THSD7A: variants seen among roughly 807,000 people sequenced by gnomAD.
THSD7A encodes thrombospondin type-1 domain-containing protein 7A.
THSD7A carries 96 observed loss-of-function variants against 231.3 expected under a neutral mutation model. The observed-to-expected ratio is 0.41, with a 90% CI of 0.35 to 0.49. The LOEUF (loss-of-function observed/expected upper bound fraction) is 0.49, where lower values mean the gene tolerates loss of function less well. THSD7A is among the 20% of genes least tolerant of loss of function. THSD7A has a pLI of 0.05. For missense variants in THSD7A, 2,290 were observed against 2,070.2 expected (o/e 1.11, Z -2.06); for synonymous variants, 940 against 743.3 (o/e 1.26, Z -4.30).
rs796373287 is a variant in THSD7A, at chr7:11,475,608, CAT to C, written c.2018-1042_2018-1041del. On this transcript the variant is annotated intron_variant, in intron 7 of 27. Transcript: ENST00000423059. ...ATATATGTATATAACATATATATAA[CAT>C]ATATAACATATATATAACATATATA... Among the ~76,000 whole-genome samples, 22 of 146,880 alleles carry C rather than the reference CAT, an allele frequency of 1.5e-4. No homozygotes were observed. The South Asian group carries it at 4.2e-3, about 28-fold the overall frequency.
At position 11,634,818 on chromosome 7, in the gene THSD7A, A is replaced by T. The variant is rs1170855444; in HGVS notation, c.1022+1312T>A. 6.6e-6 allele frequency among the ~76,000 whole-genome samples: 1 copy of T among 152,196 alleles called. No homozygotes were observed. The highest frequency in any genetic ancestry group is 2.4e-5 in the African/African-American group (1 of 41,436). On this transcript the variant is annotated intron_variant, in intron 2 of 27. Coordinates refer to ENST00000423059, the MANE Select transcript of THSD7A (RefSeq NM_015204.3). This position sits in a 1 kb window ranked among gnomAD's most constrained non-coding sequence, Gnocchi z 4.1. The stretch of plus-strand genomic sequence containing the variant: ...AGTAACCAGAACTCTATGATGAGAG[A>T]AAGTTATTGTCTTAGACAGACCAAT...
At chr7:11,701,841 G>A (rs1263413553) in intron 1 of THSD7A, among the ~76,000 whole-genome samples, 2 of 151,102 alleles carry the variant, frequency 1.3e-5, no homozygotes, top group Non-Finnish European at 3.0e-5. Flanking sequence ...TGAAAAATGG[G>A]CTATCACAAA....
intron 6 of THSD7A, among the ~76,000 whole-genome samples, chr7:11,534,520 T>G (rs986455131): frequency 1.3e-5 from 2 of 152,168 alleles, no homozygotes; most frequent in East Asian, 3.9e-4. Flanking sequence ...GGAGGACACT[T>G]GGACCTTTCA....
chr7:11,679,517 C>G (rs1342761175), intron 1 of THSD7A, among the ~76,000 whole-genome samples: 2 of 152,122 alleles, frequency 1.3e-5, no homozygotes, highest in Admixed American at 6.6e-5. Flanking sequence ...GATACAAAAT[C>G]AATATGCATA....
At chr7:11,596,348 T>C (rs1198111381) in intron 2 of THSD7A, among the ~76,000 whole-genome samples, 1 of 152,148 alleles carries the variant, frequency 6.6e-6, no homozygotes, top group African/African-American at 2.4e-5. Flanking sequence ...CCAGTTAAAG[T>C]AGGTGCATAT....
intron 1 of THSD7A, chr7:11,820,613 T>C (rs1475642685): frequency 2.0e-5 from 15 of 736,190 alleles, no homozygotes; most frequent in Non-Finnish European, 3.7e-5. Context: ...TTCCTCTGGC[T>C]TGAAATTGAA....
chr7:11,695,453 A>T (rs1780359161), intron 1 of THSD7A, among the ~76,000 whole-genome samples: 2 of 151,524 alleles, frequency 1.3e-5, no homozygotes, highest in Non-Finnish European at 3.0e-5. Context: ...GAGAAAGAAA[A>T]ACAAGCAAAT....
chr7:11,540,459 T>A (rs1562699330), intron 6 of THSD7A, among the ~76,000 whole-genome samples: 1 of 152,242 alleles, frequency 6.6e-6, no homozygotes, highest in Non-Finnish European at 1.5e-5. Flanking sequence ...GGTTACCAGA[T>A]GTTCCAGTAC....
chr7:11,373,102 T>C lies in THSD7A; in HGVS notation c.*2692A>G, dbSNP rs769117217. The stretch of plus-strand genomic sequence containing the variant: ...GTATATATATATATGCATGCATATA[T>C]GCTGTAAAATCTAATTAATTTATGA... On this transcript the variant is annotated 3_prime_UTR_variant, in exon 28 of 28. Coordinates refer to ENST00000423059, the MANE Select transcript of THSD7A (RefSeq NM_015204.3). 3.3e-5 allele frequency: 5 copies of C among 151,708 alleles called. No homozygotes were observed. Among genetic ancestry groups the C allele is most frequent in the Non-Finnish European group, 1.5e-5 (1 of 67,866 alleles). 9.4% of individuals were successfully genotyped at this position (151,708 alleles called of 1,614,324 possible).
At chr7:11,537,918 T>G (rs2128321521) in intron 6 of THSD7A, among the ~76,000 whole-genome samples, 1 of 152,322 alleles carries the variant, frequency 6.6e-6, no homozygotes. Context: ...AGCCAGCCGG[T>G]TTGACATGGT....
intron 9 of THSD7A, among the ~76,000 whole-genome samples, chr7:11,465,531 C>T (rs1785667817): frequency 1.3e-5 from 2 of 151,306 alleles, no homozygotes; most frequent in South Asian, 2.1e-4. Context: ...TAAATTTCAC[C>T]GAGAAATTAC....
intron 4 of THSD7A, among the ~76,000 whole-genome samples, chr7:11,543,960 C>A (rs1237579759): frequency 6.6e-6 from 1 of 152,006 alleles, no homozygotes; most frequent in African/African-American, 2.4e-5. Context: ...GGAAGAGAAT[C>A]AAGTTTAGCT....
chr7:11,588,292 C>A (rs1025526771), intron 4 of THSD7A, among the ~76,000 whole-genome samples: 2 of 152,064 alleles, frequency 1.3e-5, no homozygotes. Flanking sequence ...GTTAAGTGCT[C>A]CCGGGGAGAA....
Position 11,636,680 on chromosome 7 carries a change from T to A in THSD7A, c.472A>T (p.Ile158Leu), listed in dbSNP as rs1342898992. The A allele has an allele frequency of 6.2e-7, 1 of 1,613,876 alleles. No individual in the cohort carries two copies. Among genetic ancestry groups the A allele is most frequent in the African/African-American group, 1.3e-5 (1 of 74,912 alleles). The change falls in exon 2 of 28, where the codon ATA becomes TTA. Residue 158 changes from isoleucine to leucine, a missense_variant. Ile to Leu is a conservative substitution (Grantham distance 5). Coordinates refer to ENST00000423059, the MANE Select transcript of THSD7A (RefSeq NM_015204.3). The surrounding 1 kb of genome is among the most constrained non-coding windows in gnomAD (Gnocchi z 10.0). ...TCTTTGTCTTTCTGGATGCACGCTATCTCCCTCACCTGAATACCTTCTTCC... is the reference window on the plus strand; with the variant it reads ...TCTTTGTCTTTCTGGATGCACGCTAACTCCCTCACCTGAATACCTTCTTCC... The part of the protein sequence containing the change: ...KGEEGIQVRE[I>L]ACIQKDKDIP...
chr7:11,555,186 A>G (rs1789794606), intron 4 of THSD7A, among the ~76,000 whole-genome samples: 1 of 151,544 alleles, frequency 6.6e-6, no homozygotes, highest in Non-Finnish European at 1.5e-5. Flanking sequence ...GGGAGCTTTG[A>G]TTATTGATTT....
chr7:11,668,507 A>G (rs1783243407), intron 1 of THSD7A, among the ~76,000 whole-genome samples: 2 of 145,630 alleles, frequency 1.4e-5, no homozygotes, highest in African/African-American at 5.5e-5. Flanking sequence ...GAGAGAGAGA[A>G]AGAAAGAAAA....
chr7:11,655,145 C>T (rs925467115), intron 1 of THSD7A, among the ~76,000 whole-genome samples: 1 of 151,814 alleles, frequency 6.6e-6, no homozygotes, highest in African/African-American at 2.4e-5. Context: ...AGATGAATAG[C>T]TCACAGTGGG....
chr7:11,795,083 T>C (rs1784083346), intron 1 of THSD7A, among the ~76,000 whole-genome samples: 1 of 151,936 alleles, frequency 6.6e-6, no homozygotes, highest in Admixed American at 6.6e-5. Flanking sequence ...TTTTTAAATA[T>C]ATTATATTTT....
At chr7:11,489,659 A>G (rs1562652069) in intron 6 of THSD7A, among the ~76,000 whole-genome samples, 1 of 152,036 alleles carries the variant, frequency 6.6e-6, no homozygotes, top group Admixed American at 6.6e-5. Context: ...GAATAACCCA[A>G]TGTGCTTGGC....
Sources: gnomAD v4.1 joint callset for allele counts (sites outside exome capture counted in the v4.1 genomes callset) on GRCh38, gnomAD v4.1.1 for gene constraint, Gnocchi (gnomAD v3.1) non-coding constraint, MANE v1.5 for transcripts, NCBI Gene and HGNC (gene_info 2026-07-23, HGNC 2026-07-21) for gene names.